The following CNTNAP2 variants were observed in gnomAD, a reference collection of about 807,000 sequenced individuals.
CNTNAP2 encodes the protein contactin-associated protein-like 2.
Under a neutral mutation model 155.2 loss-of-function variants are expected in CNTNAP2, and 98 were observed. That is an observed-to-expected ratio of 0.63 (90% CI 0.54 to 0.75). The LOEUF (loss-of-function observed/expected upper bound fraction) is 0.75. CNTNAP2 is among the 30% of genes least tolerant of loss of function. The pLI is 0.00. For missense variants in CNTNAP2, 1,727 were observed against 1,688.1 expected (o/e 1.02, Z -0.40); for synonymous variants, 651 against 631.2 (o/e 1.03, Z -0.47).
chr7:147,052,765 A>C (rs1799495247), intron 4 of CNTNAP2, among the ~76,000 whole-genome samples: 1 of 152,100 alleles, frequency 6.6e-6, no homozygotes, highest in Non-Finnish European at 1.5e-5. Flanking sequence ...CTTAACATAA[A>C]AATAGATTTA....
intron 1 of CNTNAP2, among the ~76,000 whole-genome samples, chr7:146,192,539 A>G (rs1486227492): frequency 6.6e-6 from 1 of 152,164 alleles, no homozygotes; most frequent in Non-Finnish European, 1.5e-5. Context: ...GTGCAGAGGA[A>G]TCCTCTAACA....
chr7:147,742,199 G>A (rs1796967373), intron 13 of CNTNAP2, among the ~76,000 whole-genome samples: 1 of 152,224 alleles, frequency 6.6e-6, no homozygotes. Flanking sequence ...ATTTGGTTAG[G>A]GACACAGCCA....
chr7:146,388,617 C>T (rs1795495522), intron 1 of CNTNAP2, among the ~76,000 whole-genome samples: 1 of 152,110 alleles, frequency 6.6e-6, no homozygotes, highest in African/African-American at 2.4e-5. Flanking sequence ...AACCCAATCA[C>T]ACTCTGTAAG....
intron 18 of CNTNAP2, among the ~76,000 whole-genome samples, chr7:148,215,008 G>A (rs1795612247): frequency 6.6e-6 from 1 of 152,112 alleles, no homozygotes; most frequent in Admixed American, 6.6e-5. Flanking sequence ...CAAAAGTTTT[G>A]GGGGTAAGAG....
At chr7:146,246,242 A>AGGG (rs1584824514) in intron 1 of CNTNAP2, among the ~76,000 whole-genome samples, 2 of 149,110 alleles carry the variant, frequency 1.3e-5, no homozygotes, top group Non-Finnish European at 3.0e-5. Context: ...AAGGTGGGGT[A>AGGG]ATACAAGAGG....
intron 1 of CNTNAP2, among the ~76,000 whole-genome samples, chr7:146,393,532 C>T (rs2129106922): frequency 6.6e-6 from 1 of 152,252 alleles, no homozygotes; most frequent in East Asian, 1.9e-4. Flanking sequence ...CCCTGCTTTG[C>T]TGATATAGAC....
At chr7:146,576,784 A>G (rs968073131) in intron 1 of CNTNAP2, among the ~76,000 whole-genome samples, 1 of 152,108 alleles carries the variant, frequency 6.6e-6, no homozygotes, top group Admixed American at 6.5e-5. Context: ...AAAATAGTAC[A>G]TTCATATCTA....
At chr7:148,048,933 C>T (rs1264474787) in intron 15 of CNTNAP2, among the ~76,000 whole-genome samples, 1 of 151,978 alleles carries the variant, frequency 6.6e-6, no homozygotes, top group Non-Finnish European at 1.5e-5. Context: ...GTGGCTAGGC[C>T]GGGCGTGGTG....
chr7:146,845,365 G>C (rs1445368127), intron 3 of CNTNAP2, among the ~76,000 whole-genome samples: 4 of 152,102 alleles, frequency 2.6e-5, no homozygotes, highest in Admixed American at 2.6e-4. Flanking sequence ...TGTTTCATTT[G>C]TTTGTTTTAT....
At chr7:147,838,460 C>T (rs184851913) in intron 13 of CNTNAP2, among the ~76,000 whole-genome samples, 1 of 152,220 alleles carries the variant, frequency 6.6e-6, no homozygotes, top group East Asian at 1.9e-4. Context: ...TTCTGATTCT[C>T]TTTTTAAACT....
At chr7:146,831,007 T>C (rs1047509885) in intron 2 of CNTNAP2, among the ~76,000 whole-genome samples, 1 of 152,204 alleles carries the variant, frequency 6.6e-6, no homozygotes, top group Non-Finnish European at 1.5e-5. Context: ...TGCCAGATAT[T>C]TTGTCAAATG....
intron 17 of CNTNAP2, among the ~76,000 whole-genome samples, chr7:148,152,196 A>G (rs1322438784): frequency 6.6e-6 from 1 of 152,018 alleles, no homozygotes; most frequent in Non-Finnish European, 1.5e-5. Flanking sequence ...TTTAATTAAC[A>G]CAAGGACAGC....
At chr7:147,667,667 C>T (rs1322773075) in intron 13 of CNTNAP2, among the ~76,000 whole-genome samples, 2 of 152,026 alleles carry the variant, frequency 1.3e-5, no homozygotes, top group Non-Finnish European at 2.9e-5. Flanking sequence ...TTGGTGATCT[C>T]CATCCCAATA....
intron 20 of CNTNAP2, among the ~76,000 whole-genome samples, chr7:148,245,026 C>T (rs540889841): frequency 1.3e-5 from 2 of 151,744 alleles, no homozygotes; most frequent in African/African-American, 4.8e-5. Context: ...ACTAATTGTA[C>T]CTTTTGTATT....
intron 3 of CNTNAP2, among the ~76,000 whole-genome samples, chr7:146,885,217 C>T (rs1189498366): frequency 2.0e-5 from 3 of 152,206 alleles, no homozygotes; most frequent in East Asian, 1.9e-4. Context: ...TTACTCTTAA[C>T]GTCTTTGGAT....
chr7:147,414,449 AAAG>A (rs1381522436), intron 10 of CNTNAP2, among the ~76,000 whole-genome samples: 5 of 149,862 alleles, frequency 3.3e-5, no homozygotes, highest in African/African-American at 7.3e-5. Context: ...AAAAAAAAAA[AAAG>A]GATGCCAACA....
At chr7:146,854,938 T>G (rs1280415239) in intron 3 of CNTNAP2, among the ~76,000 whole-genome samples, 2 of 152,138 alleles carry the variant, frequency 1.3e-5, no homozygotes, top group Admixed American at 1.3e-4. Flanking sequence ...TATTTTTGTA[T>G]TATAATTGCC....
At chr7:146,194,817 C>T (rs2116857554) in intron 1 of CNTNAP2, among the ~76,000 whole-genome samples, 1 of 152,220 alleles carries the variant, frequency 6.6e-6, no homozygotes, top group East Asian at 1.9e-4. Flanking sequence ...TTTTCTGAGA[C>T]AATGTTTTCT....
At chr7:147,442,952 T>C (rs1797668134) in intron 10 of CNTNAP2, among the ~76,000 whole-genome samples, 1 of 151,920 alleles carries the variant, frequency 6.6e-6, no homozygotes, top group African/African-American at 2.4e-5. Flanking sequence ...TTTGGAGCAG[T>C]TAGTTGTACA....
Sources: allele counts gnomAD v4.1 joint callset (sites outside exome capture counted in the v4.1 genomes callset), GRCh38; gene constraint gnomAD v4.1.1; transcripts MANE v1.5; gene names NCBI Gene and HGNC (gene_info 2026-07-23, HGNC 2026-07-21).